The following CDK14 variants were observed in gnomAD, a reference collection of about 807,000 sequenced individuals.
The protein encoded by CDK14 is cyclin-dependent kinase 14.
CDK14 carries 34 observed loss-of-function variants against 60.7 expected under a neutral mutation model. The ratio of observed to expected loss-of-function variants is 0.56; its 90% CI spans 0.43 to 0.75. The LOEUF is 0.75. CDK14 is among the 30% of genes least tolerant of loss of function. CDK14 has a pLI of 0.00. For missense variants in CDK14, 482 were observed against 564.1 expected, an observed-to-expected ratio of 0.85 and a Z score of 1.47; for synonymous variants, 197 against 203.7, an observed-to-expected ratio of 0.97 and a Z score of 0.28.
intron 12 of CDK14, among the ~76,000 whole-genome samples, chr7:91,085,639 C>T (rs568716934): frequency 3.0e-4 from 46 of 152,166 alleles, no homozygotes; most frequent in African/African-American, 1.1e-3. Flanking sequence ...CCATTCAATC[C>T]GGAGTCATGG....
intron 10 of CDK14, among the ~76,000 whole-genome samples, chr7:91,019,125 C>G (rs1477131363): frequency 6.6e-6 from 1 of 152,156 alleles, no homozygotes; most frequent in East Asian, 1.9e-4. Flanking sequence ...TTTTAGCAGA[C>G]AGAGCCTGGC....
At chr7:90,639,528 G>A (rs1484716842) in intron 2 of CDK14, among the ~76,000 whole-genome samples, 1 of 152,052 alleles carries the variant, frequency 6.6e-6, no homozygotes, top group African/African-American at 2.4e-5. Flanking sequence ...TGAGGTGTCA[G>A]TCTGTACCTA....
At chr7:91,178,194 AAAAC>A (rs1458093246) in intron 14 of CDK14, among the ~76,000 whole-genome samples, 1 of 58,390 alleles carries the variant, frequency 1.7e-5, no homozygotes, top group African/African-American at 6.4e-5. Flanking sequence ...AAACCTGAGA[AAAAC>A]AAGCAATGGG....
chr7:91,163,187 ATCT>A (rs1801222424), intron 14 of CDK14, among the ~76,000 whole-genome samples: 1 of 152,192 alleles, frequency 6.6e-6, no homozygotes, highest in Non-Finnish European at 1.5e-5. Context: ...AGCAAAGAAG[ATCT>A]TCTTGCTGGA....
At chr7:90,777,383 C>T (rs1323593520) in intron 4 of CDK14, among the ~76,000 whole-genome samples, 2 of 152,124 alleles carry the variant, frequency 1.3e-5, no homozygotes, top group African/African-American at 2.4e-5. Context: ...AGTAAAAAGG[C>T]GACTTCAGTT....
At chr7:91,174,852 T>G (rs1068296) in intron 14 of CDK14, among the ~76,000 whole-genome samples, 73,160 of 77,656 alleles carry the variant, frequency 0.94, 34,557 homozygotes, top group East Asian at 1. Context: ...GAAAGTGATG[T>G]GGAGAATGGA....
intron 11 of CDK14, among the ~76,000 whole-genome samples, chr7:91,073,512 T>C (rs2116191062): frequency 6.6e-6 from 1 of 151,900 alleles, no homozygotes. Flanking sequence ...GCACTAAATA[T>C]GGAAAGGAAA....
At chr7:90,916,731 A>G (rs1190418782) in intron 7 of CDK14, among the ~76,000 whole-genome samples, 1 of 152,254 alleles carries the variant, frequency 6.6e-6, no homozygotes, top group African/African-American at 2.4e-5. Flanking sequence ...AATATCAATT[A>G]GGATTATTTT....
At chr7:91,195,207 C>A (rs1192437046) in intron 14 of CDK14, among the ~76,000 whole-genome samples, 1 of 152,190 alleles carries the variant, frequency 6.6e-6, no homozygotes, top group Admixed American at 6.5e-5. Context: ...TGAATCAAGA[C>A]AAGAGTATAG....
At chr7:91,130,171 G>C (rs1279849765) in intron 14 of CDK14, among the ~76,000 whole-genome samples, 1 of 152,042 alleles carries the variant, frequency 6.6e-6, no homozygotes, top group Non-Finnish European at 1.5e-5. Context: ...CCAAAACAAT[G>C]TATCATAATA....
At chr7:90,752,272 CA>C (rs1181122036) in intron 4 of CDK14, among the ~76,000 whole-genome samples, 1 of 142,660 alleles carries the variant, frequency 7.0e-6, no homozygotes, top group Non-Finnish European at 1.5e-5. Flanking sequence ...AGTCATAAAG[CA>C]AGTCTCAGTA....
chr7:90,647,813 A>G (rs1800504019), intron 2 of CDK14, among the ~76,000 whole-genome samples: 2 of 152,108 alleles, frequency 1.3e-5, no homozygotes, highest in South Asian at 4.1e-4. Context: ...CTATGGTTGC[A>G]CCACTGCACT....
chr7:90,751,066 C>T (rs566720210), intron 4 of CDK14, among the ~76,000 whole-genome samples: 1 of 151,734 alleles, frequency 6.6e-6, no homozygotes, highest in African/African-American at 2.4e-5. Flanking sequence ...TATTGGCATT[C>T]CTAAGTGAGA....
At chr7:90,694,206 A>G (rs768437937) in intron 2 of CDK14, among the ~76,000 whole-genome samples, 1 of 152,222 alleles carries the variant, frequency 6.6e-6, no homozygotes, top group Non-Finnish European at 1.5e-5. Flanking sequence ...TGGAATAACT[A>G]TCAAATAAGA....
At chr7:90,741,558 A>G (rs925170991) in intron 3 of CDK14, among the ~76,000 whole-genome samples, 1 of 152,204 alleles carries the variant, frequency 6.6e-6, no homozygotes, top group Non-Finnish European at 1.5e-5. Context: ...AATTTTAATA[A>G]GTACCTGTTT....
rs889266379 is a variant in CDK14, at chr7:90,747,240, G to A, written c.370-441G>A. Among the ~76,000 whole-genome samples the A allele has an allele frequency of 3.9e-5, 6 of 152,158 alleles. 1 individual carries two copies. The highest frequency in any genetic ancestry group is 8.8e-5 in the Non-Finnish European group (6 of 68,020). ...ACTTATGGGATATACAAAAACAGGT[G>A]GTGGGCTGGATTTGACCCATGGGCC... On this transcript the variant is annotated intron_variant, in intron 3 of 14. Coordinates refer to ENST00000380050, the MANE Select transcript of CDK14 (RefSeq NM_001287135.2).
intron 6 of CDK14, among the ~76,000 whole-genome samples, chr7:90,872,418 T>C (rs1791397389): frequency 6.6e-6 from 1 of 152,146 alleles, no homozygotes; most frequent in South Asian, 2.1e-4. Context: ...GTGCAGGCAG[T>C]GTAAGATGGA....
chr7:90,753,672 C>T (rs1220800132), intron 4 of CDK14, among the ~76,000 whole-genome samples: 1 of 152,070 alleles, frequency 6.6e-6, no homozygotes, highest in Non-Finnish European at 1.5e-5. Flanking sequence ...AAAAGGCATC[C>T]AAATAAGAAA....
At chr7:90,605,949 C>T (rs1799408548) in intron 2 of CDK14, among the ~76,000 whole-genome samples, 1 of 152,188 alleles carries the variant, frequency 6.6e-6, no homozygotes, top group Non-Finnish European at 1.5e-5. Flanking sequence ...ATGTGTCAAA[C>T]CTGTAACTAC....
Sources: allele counts gnomAD v4.1 joint callset (sites outside exome capture counted in the v4.1 genomes callset), GRCh38; gene constraint gnomAD v4.1.1; transcripts MANE v1.5; gene names NCBI Gene and HGNC (gene_info 2026-07-23, HGNC 2026-07-21).